IQCH: variants seen among roughly 807,000 people sequenced by gnomAD.
The protein encoded by IQCH is IQ domain-containing protein H.
IQCH carries 98 observed loss-of-function variants against 117.0 expected under a neutral mutation model. The observed-to-expected ratio is 0.84, with a 90% CI of 0.71 to 0.99. The LOEUF (loss-of-function observed/expected upper bound fraction) is 0.99, where lower values mean the gene tolerates loss of function less well. IQCH is among the 50% of genes least tolerant of loss of function. The pLI, the probability that IQCH is intolerant of heterozygous loss-of-function variation, is 0.00. For synonymous variants in IQCH, 412 were observed against 448.2 expected, an observed-to-expected ratio of 0.92 and a Z score of 1.02; for missense variants, 1,102 against 1,243.8, an observed-to-expected ratio of 0.89 and a Z score of 1.72.
intron 4 of IQCH, among the ~76,000 whole-genome samples, chr15:67,297,449 T>A (rs1201302787): frequency 6.6e-6 from 1 of 152,152 alleles, no homozygotes; most frequent in Non-Finnish European, 1.5e-5. Flanking sequence ...AAAGATTTTT[T>A]AAAATAACCA....
At chr15:67,267,015 A>C (rs943772498) in intron 3 of IQCH, among the ~76,000 whole-genome samples, 15 of 152,300 alleles carry the variant, frequency 9.8e-5, no homozygotes, top group Admixed American at 1.3e-4. Context: ...GCATGAGTAA[A>C]CTGCAGTCCA....
intron 6 of IQCH, among the ~76,000 whole-genome samples, chr15:67,346,033 G>A (rs1275956630): frequency 1.3e-5 from 2 of 151,808 alleles, no homozygotes; most frequent in East Asian, 3.9e-4. Context: ...CAAATTAAAT[G>A]TAAATTAAAA....
chr15:67,307,941 GATTGACTGTC>G (rs1242853149), intron 4 of IQCH, among the ~76,000 whole-genome samples: 1 of 152,146 alleles, frequency 6.6e-6, no homozygotes, highest in Non-Finnish European at 1.5e-5. Flanking sequence ...TGGAATCAGA[GATTGACTGTC>G]ATTTCACCAG....
At chr15:67,271,716 G>T (rs1357099798) in intron 3 of IQCH, among the ~76,000 whole-genome samples, 1 of 152,064 alleles carries the variant, frequency 6.6e-6, no homozygotes, top group Non-Finnish European at 1.5e-5. Context: ...GGATATAGTT[G>T]TTCATAATAG....
chr15:67,387,839 G>A lies in IQCH; in HGVS notation c.1457-992G>A, dbSNP rs978384174. On this transcript the variant is annotated intron_variant, in intron 11 of 20. Coordinates refer to ENST00000335894, the MANE Select transcript of IQCH (RefSeq NM_001031715.3). This position sits in a 1 kb window ranked among gnomAD's most constrained non-coding sequence, Gnocchi z 4.8. ...TAGAATTTAATTCAGTCTATGCTCT[G>A]TATATATACTCTGCCAAACTGATCA... 6.6e-6 allele frequency among the ~76,000 whole-genome samples: 1 copy of A among 152,158 alleles called. No individual in the cohort carries two copies. Among genetic ancestry groups the A allele is most frequent in the Non-Finnish European group, 1.5e-5 (1 of 68,042 alleles).
intron 20 of IQCH, among the ~76,000 whole-genome samples, chr15:67,499,297 C>CAAAA (rs59618730): frequency 0.066 from 3,199 of 48,736 alleles, 127 homozygotes; most frequent in African/African-American, 0.072. Flanking sequence ...AGACCTGTCC[C>CAAAA]AAAAAAAAAA....
At chr15:67,338,301 T>G (rs560614236) in intron 5 of IQCH, among the ~76,000 whole-genome samples, 2 of 152,234 alleles carry the variant, frequency 1.3e-5, no homozygotes, top group East Asian at 3.9e-4. Flanking sequence ...AAAATAAAAG[T>G]AAATGTAGAA....
chr15:67,361,172 C>T (rs1970114893), intron 8 of IQCH, among the ~76,000 whole-genome samples: 1 of 152,200 alleles, frequency 6.6e-6, no homozygotes, highest in African/African-American at 2.4e-5. Flanking sequence ...TTTGTGCTCT[C>T]TGCCTGTTCC....
chr15:67,266,544 C>T (rs1965680762), intron 3 of IQCH, among the ~76,000 whole-genome samples: 1 of 152,112 alleles, frequency 6.6e-6, no homozygotes. Flanking sequence ...GTAGTCCCAG[C>T]TACTCAGGAG....
At chr15:67,319,528 C>T (rs191142422) in intron 4 of IQCH, among the ~76,000 whole-genome samples, 26 of 152,284 alleles carry the variant, frequency 1.7e-4, no homozygotes, top group Non-Finnish European at 3.4e-4. Flanking sequence ...AACACCAACA[C>T]GTGACATGTG....
At position 67,344,171 on chromosome 15, in the gene IQCH, C is replaced by G; in HGVS notation, c.617C>G (p.Ala206Gly). The stretch of plus-strand genomic sequence containing the variant: ...GCTCCTCTGCATAGTTTTGATGAAG[C>G]ACGTAAGATTCCAACTGTAGGTAAG... ...RAAPLHSFDE[A>G]RKIPTVATFT... The change falls in exon 6 of 21, where the codon GCA becomes GGA. Residue 206 changes from alanine (A) to glycine (G), a missense_variant. By Grantham distance (60) the Ala-to-Gly change is moderately conservative (BLOSUM62 0). Transcript: ENST00000335894. The G allele has an allele frequency of 6.2e-7, 1 of 1,613,462 alleles. No individual in the cohort carries two copies. The highest frequency in any genetic ancestry group is 8.5e-7 in the Non-Finnish European group (1 of 1,179,640).
intron 4 of IQCH, among the ~76,000 whole-genome samples, chr15:67,294,886 A>G (rs897740736): frequency 1.3e-5 from 2 of 152,222 alleles, no homozygotes; most frequent in African/African-American, 4.8e-5. Context: ...CTGGGAGACA[A>G]AACACAAGTC....
chr15:67,303,979 T>C (rs965027130), intron 4 of IQCH, among the ~76,000 whole-genome samples: 1 of 152,184 alleles, frequency 6.6e-6, no homozygotes, highest in Non-Finnish European at 1.5e-5. Context: ...GTATTTGTAG[T>C]ATAGATTTCA....
chr15:67,281,619 T>C (rs1966361232), intron 4 of IQCH: 2 of 451,360 alleles, frequency 4.4e-6, no homozygotes, highest in African/African-American at 2.0e-5. Flanking sequence ...ACTCAATCTC[T>C]CCCAGATCCA....
chr15:67,258,597 GC>G (rs558029216), intron 1 of IQCH, among the ~76,000 whole-genome samples: 172 of 151,928 alleles, frequency 1.1e-3, no homozygotes, highest in African/African-American at 3.8e-3. Flanking sequence ...CCAAACTCTA[GC>G]AGAGATGAAG....
At chr15:67,487,180 A>G (rs1458992510) in intron 18 of IQCH, among the ~76,000 whole-genome samples, 2 of 152,136 alleles carry the variant, frequency 1.3e-5, no homozygotes, top group Non-Finnish European at 2.9e-5. Flanking sequence ...TAAAAATACA[A>G]AAATTAGCCA....
intron 4 of IQCH, among the ~76,000 whole-genome samples, chr15:67,300,687 G>C (rs1393922126): frequency 6.6e-6 from 1 of 152,098 alleles, no homozygotes; most frequent in Admixed American, 6.5e-5. Flanking sequence ...TTTCAATTTT[G>C]ATTACTCTGT....
chr15:67,498,657 G>GT (rs2083893700), intron 20 of IQCH, among the ~76,000 whole-genome samples: 1 of 151,210 alleles, frequency 6.6e-6, no homozygotes, highest in Non-Finnish European at 1.5e-5. Context: ...ATATTTAAAT[G>GT]TAAGAGCTAA....
chr15:67,344,249 A>G, intron 6 of IQCH, 58 bp downstream of exon 6: 1 of 1,560,896 alleles, frequency 6.4e-7, no homozygotes, highest in African/African-American at 1.4e-5. Context: ...TCTCTGCCCC[A>G]GATCTAGCCT....
Sources: gnomAD v4.1 joint callset for allele counts (sites outside exome capture counted in the v4.1 genomes callset) on GRCh38, gnomAD v4.1.1 for gene constraint, Gnocchi (gnomAD v3.1) non-coding constraint, MANE v1.5 for transcripts, NCBI Gene and HGNC (gene_info 2026-07-23, HGNC 2026-07-21) for gene names.